Variants in RELCH observed in about 807,000 individuals in gnomAD.
RELCH encodes the protein RAB11-binding protein RELCH.
RELCH carries 41 observed loss-of-function variants against 150.3 expected under a neutral mutation model. The ratio of observed to expected loss-of-function variants is 0.27; its 90% confidence interval spans 0.21 to 0.35. The LOEUF is 0.35. RELCH is among the 10% of genes least tolerant of loss of function. RELCH has a pLI of 1.00. For synonymous variants in RELCH, 478 were observed against 531.8 expected, an observed-to-expected ratio of 0.90 and a Z score of 1.39; for missense variants, 1,092 against 1,467.8, an observed-to-expected ratio of 0.74 and a Z score of 4.18.
chr18:62,267,535 TAC>T (rs1284143263), intron 19 of RELCH, among the ~76,000 whole-genome samples: 1 of 149,438 alleles, frequency 6.7e-6, no homozygotes, highest in Middle Eastern at 3.2e-3. Flanking sequence ...TATATATATA[TAC>T]ACACACCTTA....
intron 16 of RELCH, among the ~76,000 whole-genome samples, chr18:62,262,211 C>G (rs1020369818): frequency 4.6e-5 from 7 of 151,938 alleles, no homozygotes; most frequent in Admixed American, 3.3e-4. Flanking sequence ...CAGGAGAGGC[C>G]AGTATTTTCT....
At chr18:62,286,343 A>T (rs1228072973) in intron 25 of RELCH, among the ~76,000 whole-genome samples, 1 of 152,116 alleles carries the variant, frequency 6.6e-6, no homozygotes, top group African/African-American at 2.4e-5. Flanking sequence ...ATATACTGTT[A>T]TTAATTTTGA....
chr18:62,291,446 A>AT (rs1175676172), intron 26 of RELCH, 97 bp from the exon 27 acceptor site: 16 of 627,974 alleles, frequency 2.5e-5, no homozygotes, highest in Non-Finnish European at 4.4e-5. Flanking sequence ...CATAGGTATG[A>AT]TATAAGAAGG....
chr18:62,206,946 A>G (rs1158714357), intron 1 of RELCH, among the ~76,000 whole-genome samples: 1 of 152,066 alleles, frequency 6.6e-6, no homozygotes, highest in Non-Finnish European at 1.5e-5. Context: ...TATGTTGCCC[A>G]CCAGGCTGGT....
intron 5 of RELCH, among the ~76,000 whole-genome samples, chr18:62,223,958 T>A (rs1401482799): frequency 6.6e-6 from 1 of 152,072 alleles, no homozygotes; most frequent in African/African-American, 2.4e-5. Flanking sequence ...ATCACTAACA[T>A]CATTCTTTTT....
rs73458539 is a variant in RELCH at position 62,240,218 on chromosome 18, T to C, written c.1621-4546T>C. ...AGCTGCTTTGGAACAGATATTTTTA[T>C]ATTGCTTATTGTCTTTCCTTCCTTC... is the stretch of plus-strand genomic sequence containing the variant. On this transcript the variant is annotated intron_variant, in intron 10 of 28. Coordinates refer to ENST00000644646, the MANE Select transcript of RELCH (RefSeq NM_001346231.2). 5.6e-3 allele frequency among the ~76,000 whole-genome samples: 853 copies of C among 152,126 alleles called. 15 individuals carry two copies. The highest frequency in any genetic ancestry group is 0.052 in the East Asian group (266 of 5,162).
At chr18:62,190,278 A>C (rs1449694427) in intron 1 of RELCH, among the ~76,000 whole-genome samples, 1 of 152,182 alleles carries the variant, frequency 6.6e-6, no homozygotes, top group Non-Finnish European at 1.5e-5. Flanking sequence ...TCACTACCAC[A>C]ATTAAAATAC....
intron 27 of RELCH, among the ~76,000 whole-genome samples, chr18:62,294,663 T>C (rs1260631126): frequency 1.3e-5 from 2 of 152,206 alleles, no homozygotes; most frequent in African/African-American, 4.8e-5. Flanking sequence ...CTTCGAACAC[T>C]GATTCTTAAT....
intron 1 of RELCH, among the ~76,000 whole-genome samples, chr18:62,189,912 T>A (rs1182511562): frequency 6.6e-6 from 1 of 152,254 alleles, no homozygotes; most frequent in African/African-American, 2.4e-5. Context: ...TATCCTCATT[T>A]ATTTGTACCT....
chr18:62,258,067 T>C lies in RELCH; in HGVS notation c.2016T>C (p.Asp672=). 1 of 1,603,032 alleles carries C rather than the reference T, an allele frequency of 6.2e-7. No homozygotes were observed. The highest frequency in any genetic ancestry group is 1.1e-5 in the South Asian group (1 of 88,490). The change falls in exon 14 of 29, where the codon GAT becomes GAC. Residue 672 remains aspartate (D), a synonymous_variant. Coordinates refer to ENST00000644646, the MANE Select transcript of RELCH (RefSeq NM_001346231.2). ...TTGGTATCATTATGGGATACATTGA[T>C]GATCCAGACAAATATCATCAGGTAT... ...KSLGIIMGYI[D]DPDKYHQGFE...
intron 26 of RELCH, among the ~76,000 whole-genome samples, 179 bp from the exon 27 acceptor site, chr18:62,291,364 G>GATAA (rs2045123882): frequency 6.6e-6 from 1 of 152,160 alleles, no homozygotes; most frequent in South Asian, 2.1e-4. Flanking sequence ...ATTGACTCCT[G>GATAA]ATAAATAACT....
chr18:62,264,664 A>G, intron 17 of RELCH, 65 bp from the exon 18 acceptor site: 1 of 1,234,052 alleles, frequency 8.1e-7, no homozygotes, highest in Non-Finnish European at 1.2e-6. Context: ...ATTGTTTCAG[A>G]AATTGGCAAG....
At chr18:62,218,355 T>C (rs979304084) in intron 2 of RELCH, among the ~76,000 whole-genome samples, 14 of 152,066 alleles carry the variant, frequency 9.2e-5, no homozygotes, top group Admixed American at 7.2e-4. Context: ...AAAGATCTTT[T>C]AAAATACAGC....
intron 25 of RELCH, 148 bp from the exon 26 acceptor site, chr18:62,287,203 G>A: frequency 5.3e-6 from 3 of 568,662 alleles, no homozygotes; most frequent in African/African-American, 1.9e-5. Context: ...TTAAGAAAAA[G>A]CAAGTATAAG....
chr18:62,224,491 A>G (rs748658975), intron 5 of RELCH, among the ~76,000 whole-genome samples: 1 of 152,118 alleles, frequency 6.6e-6, no homozygotes, highest in South Asian at 2.1e-4. Flanking sequence ...GTCCTTATTC[A>G]CCAATGACAT....
At chr18:62,276,891 G>A (rs796747346) in intron 22 of RELCH, among the ~76,000 whole-genome samples, 3 of 151,890 alleles carry the variant, frequency 2.0e-5, no homozygotes, top group South Asian at 2.1e-4. Flanking sequence ...GATATAAATC[G>A]TTTTGATTAT....
intron 27 of RELCH, among the ~76,000 whole-genome samples, chr18:62,292,342 CA>C (rs1192221739): frequency 6.6e-6 from 1 of 152,080 alleles, no homozygotes; most frequent in Non-Finnish European, 1.5e-5. Context: ...TTTTCTGATT[CA>C]AAACTCCTGT....
chr18:62,207,786 A>G (rs1038525292), intron 1 of RELCH, among the ~76,000 whole-genome samples: 3 of 152,124 alleles, frequency 2.0e-5, no homozygotes, highest in African/African-American at 7.2e-5. Flanking sequence ...CATTTTTATC[A>G]CCCCAAAAGA....
At chr18:62,274,587 C>G (rs1009448828) in intron 21 of RELCH, among the ~76,000 whole-genome samples, 3 of 152,178 alleles carry the variant, frequency 2.0e-5, no homozygotes, top group Non-Finnish European at 4.4e-5. Flanking sequence ...CATACCCTTC[C>G]GTATAGATGG....
Sources: gnomAD v4.1 joint callset for allele counts (sites outside exome capture counted in the v4.1 genomes callset) on GRCh38, gnomAD v4.1.1 for gene constraint, MANE v1.5 for transcripts, NCBI Gene and HGNC (gene_info 2026-07-23, HGNC 2026-07-21) for gene names.